C10orf67: variants seen among roughly 807,000 people sequenced by gnomAD.
C10orf67 encodes chromosome 10 open reading frame 67.
A neutral mutation model predicts 35.6 loss-of-function variants in C10orf67; 60 were observed. The observed-to-expected ratio is 1.68, with a 90% CI of 1.37 to 2.09. The LOEUF is 2.09. C10orf67 is among the 30% of genes most tolerant of loss of function. The pLI is 0.00. For missense variants in C10orf67, 474 were observed against 330.2 expected (o/e 1.44, Z -3.38); for synonymous variants, 167 against 115.8 (o/e 1.44, Z -2.84).
chr10:23,218,237 C>A (rs1320823021), intron 15 of C10orf67, among the ~76,000 whole-genome samples: 1 of 152,006 alleles, frequency 6.6e-6, no homozygotes, highest in Non-Finnish European at 1.5e-5. Flanking sequence ...CCTCCCTGGG[C>A]TCAGGTGATC....
chr10:23,270,651 C>T (rs1842993124), intron 8 of C10orf67, among the ~76,000 whole-genome samples: 1 of 152,204 alleles, frequency 6.6e-6, no homozygotes, highest in South Asian at 2.1e-4. Flanking sequence ...AGACAGACAG[C>T]AGCAACAGGC....
At chr10:23,331,245 AAGGGAAG>A (rs1318840655) in intron 2 of C10orf67, among the ~76,000 whole-genome samples, 5 of 3,974 alleles carry the variant, frequency 1.3e-3, no homozygotes, top group Non-Finnish European at 2.0e-3. Flanking sequence ...AAGGGAAGGG[AAGGGAAG>A]AGGGAAGGGA....
chr10:23,322,624 A>G, intron 2 of C10orf67, 87 bp from the exon 3 acceptor site: 3 of 807,510 alleles, frequency 3.7e-6, no homozygotes, highest in Non-Finnish European at 5.9e-6. Context: ...AGTGGGAGCA[A>G]AATGATGAGA....
At chr10:23,269,867 C>T (rs1842972432) in intron 8 of C10orf67, among the ~76,000 whole-genome samples, 1 of 151,022 alleles carries the variant, frequency 6.6e-6, no homozygotes. Flanking sequence ...AATAACAGAG[C>T]TAAAAAATAT....
At chr10:23,294,418 C>A (rs1472368938) in intron 5 of C10orf67, among the ~76,000 whole-genome samples, 2 of 152,094 alleles carry the variant, frequency 1.3e-5, no homozygotes, top group Non-Finnish European at 2.9e-5. Flanking sequence ...CACACACACA[C>A]AATTACAGAG....
At chr10:23,284,765 C>T (rs769207375) in intron 7 of C10orf67, among the ~76,000 whole-genome samples, 7 of 152,048 alleles carry the variant, frequency 4.6e-5, no homozygotes, top group Admixed American at 1.3e-4. Flanking sequence ...AACAGGAGAA[C>T]GTGAGAAAGG....
intron 13 of C10orf67, among the ~76,000 whole-genome samples, chr10:23,231,843 A>C (rs1482714799): frequency 6.6e-6 from 1 of 152,356 alleles, no homozygotes; most frequent in South Asian, 2.1e-4. Flanking sequence ...CACTAGCATC[A>C]GCATGAATGA....
At chr10:23,279,069 T>C (rs1055900088) in intron 8 of C10orf67, among the ~76,000 whole-genome samples, 6 of 152,170 alleles carry the variant, frequency 3.9e-5, no homozygotes, top group African/African-American at 1.2e-4. Flanking sequence ...CTGGGCAATA[T>C]AGCGAGGCCC....
chr10:23,256,011 G>A (rs1225916680), intron 10 of C10orf67, among the ~76,000 whole-genome samples: 1 of 152,014 alleles, frequency 6.6e-6, no homozygotes. Context: ...AGTTTTGTGA[G>A]TTTTTTTCTT....
In C10orf67 at chr10:23,344,553, G is replaced by T. The variant is rs778115840; in HGVS notation, c.206+16C>A. 1.7e-5 allele frequency: 26 copies of T among 1,562,756 alleles called. No individual in the cohort carries two copies. The highest frequency in any genetic ancestry group is 1.8e-5 in the Non-Finnish European group (21 of 1,154,300). On this transcript the variant is annotated intron_variant, in intron 1 of 15. Coordinates refer to ENST00000636213, the MANE Select transcript of C10orf67 (RefSeq NM_001371909.1). ...TGCTCGCTTCCTCCTCTACCCAGGCGCGGAGCTCAGCCTACCTCGTGGACC... is the reference window on the plus strand; with the variant it reads ...TGCTCGCTTCCTCCTCTACCCAGGCTCGGAGCTCAGCCTACCTCGTGGACC...
At chr10:23,306,668 C>G (rs764257859) in intron 4 of C10orf67, among the ~76,000 whole-genome samples, 12 of 151,840 alleles carry the variant, frequency 7.9e-5, no homozygotes, top group Non-Finnish European at 1.8e-4. Context: ...AGTATGGTGA[C>G]TATGGTTAAT....
intron 4 of C10orf67, among the ~76,000 whole-genome samples, chr10:23,307,774 G>T (rs558677935): frequency 5.3e-5 from 8 of 151,974 alleles, no homozygotes; most frequent in African/African-American, 1.2e-4. Flanking sequence ...ATACCACCAT[G>T]CCTGGCTAAT....
At chr10:23,320,336 G>GAA (rs1285793785) in intron 4 of C10orf67, among the ~76,000 whole-genome samples, 1 of 152,226 alleles carries the variant, frequency 6.6e-6, no homozygotes, top group Non-Finnish European at 1.5e-5. Flanking sequence ...GAAGGAAAAT[G>GAA]AAGCATGTGT....
intron 7 of C10orf67, among the ~76,000 whole-genome samples, chr10:23,282,332 C>T (rs575006529): frequency 2.6e-5 from 4 of 152,180 alleles, no homozygotes; most frequent in Non-Finnish European, 5.9e-5. Context: ...TGTAACATCA[C>T]AATAAAGCAA....
intron 8 of C10orf67, among the ~76,000 whole-genome samples, chr10:23,272,031 C>G (rs1289491803): frequency 6.6e-6 from 1 of 152,126 alleles, no homozygotes; most frequent in Non-Finnish European, 1.5e-5. Flanking sequence ...ATCCACCCAC[C>G]TCAGCCTCTG....
chr10:23,302,304 A>C (rs745341482), intron 5 of C10orf67, among the ~76,000 whole-genome samples: 1 of 151,978 alleles, frequency 6.6e-6, no homozygotes, highest in Non-Finnish European at 1.5e-5. Flanking sequence ...ACAACCTTTA[A>C]TTCTTACTGT....
rs573020925 is a variant in C10orf67, at chr10:23,295,454, T to C, written c.703-4175A>G. On this transcript the variant is annotated intron_variant, in intron 5 of 15. Coordinates refer to ENST00000636213, the MANE Select transcript of C10orf67 (RefSeq NM_001371909.1). Reference sequence around the variant, plus strand: ...AGTCCAGAGGTCTGTTTGGTACATTTTATGGAACATAAACGGATGGCCATA... The same window carrying C: ...AGTCCAGAGGTCTGTTTGGTACATTCTATGGAACATAAACGGATGGCCATA... Among the ~76,000 whole-genome samples the C allele has an allele frequency of 3.9e-5, 6 of 152,344 alleles. No individual in the cohort carries two copies. The East Asian group carries it at 9.6e-4, about 24-fold the overall frequency.
At chr10:23,214,869 A>G (rs1390487122) in intron 15 of C10orf67, among the ~76,000 whole-genome samples, 1 of 152,112 alleles carries the variant, frequency 6.6e-6, no homozygotes, top group Non-Finnish European at 1.5e-5. Context: ...CTAAAAATAT[A>G]AAAATTAGCT....
chr10:23,252,904 G>A (rs138433524), intron 10 of C10orf67, among the ~76,000 whole-genome samples: 7 of 152,180 alleles, frequency 4.6e-5, no homozygotes, highest in African/African-American at 1.7e-4. Flanking sequence ...CACGTGTTGT[G>A]GGAGAGACCT....
Sources: gnomAD v4.1 joint callset for allele counts (sites outside exome capture counted in the v4.1 genomes callset) on GRCh38, gnomAD v4.1.1 for gene constraint, MANE v1.5 for transcripts, NCBI Gene and HGNC (gene_info 2026-07-23, HGNC 2026-07-21) for gene names.